RFX3: variants seen among roughly 807,000 people sequenced by gnomAD.
RFX3 encodes the protein regulatory factor X3, also known as transcription factor RFX3.
In RFX3, 14 loss-of-function variants were observed where a neutral mutation model predicts 98.6. The observed-to-expected ratio is 0.14, with a 90% CI of 0.09 to 0.22. The LOEUF is 0.22. RFX3 is among the 10% of genes least tolerant of loss of function. The pLI is 1.00. For missense variants in RFX3, 639 were observed against 926.9 expected (o/e 0.69, Z 4.03); for synonymous variants, 383 against 328.4 (o/e 1.17, Z -1.80).
chr9:3,398,340 A>C (rs1355035916), intron 1 of RFX3, among the ~76,000 whole-genome samples: 1 of 90,892 alleles, frequency 1.1e-5, no homozygotes. Context: ...GACAGGAAAC[A>C]AAAAAAAAAA....
chr9:3,275,658 C>A, intron 8 of RFX3, 46 bp from the exon 9 acceptor site: 1 of 1,157,630 alleles, frequency 8.6e-7, no homozygotes, highest in South Asian at 1.4e-5. Context: ...GTGGATGGTG[C>A]CAATTACAGA....
At chr9:3,379,058 C>A (rs1484805349) in intron 2 of RFX3, among the ~76,000 whole-genome samples, 1 of 152,156 alleles carries the variant, frequency 6.6e-6, no homozygotes, top group African/African-American at 2.4e-5. Context: ...CTAGTTCACT[C>A]ATTATTTCAA....
Position 3,259,957 on chromosome 9 carries a change from T to C in RFX3, c.1606-2758A>G, listed in dbSNP as rs116127242. Among the ~76,000 whole-genome samples the C allele has an allele frequency of 6.5e-3, 995 of 152,146 alleles. 3 individuals carry two copies. The highest frequency in any genetic ancestry group is 0.023 in the African/African-American group (944 of 41,534). On this transcript the variant is annotated intron_variant, in intron 13 of 16. Coordinates refer to ENST00000617270, the MANE Select transcript of RFX3 (RefSeq NM_001282116.2). Reference sequence around the variant, plus strand: ...TGTCAGATTATTGAGGTTCATGTTATAGAAGCTGGGACGACTTCCAAATGA... The same window carrying C: ...TGTCAGATTATTGAGGTTCATGTTACAGAAGCTGGGACGACTTCCAAATGA...
intron 1 of RFX3, among the ~76,000 whole-genome samples, chr9:3,403,344 T>A (rs1011588991): frequency 2.6e-5 from 4 of 152,142 alleles, no homozygotes; most frequent in Middle Eastern, 3.2e-3. Flanking sequence ...TTTTCTGTAT[T>A]ATAAAAACGC....
At chr9:3,339,943 A>C (rs1421829407) in intron 3 of RFX3, among the ~76,000 whole-genome samples, 1 of 152,078 alleles carries the variant, frequency 6.6e-6, no homozygotes, top group Non-Finnish European at 1.5e-5. Context: ...CCACATTGGC[A>C]AGTCAATCCT....
At chr9:3,460,438 T>C (rs1027817468) in intron 1 of RFX3, among the ~76,000 whole-genome samples, 2 of 152,008 alleles carry the variant, frequency 1.3e-5, no homozygotes, top group African/African-American at 4.8e-5. Context: ...AATATTATTT[T>C]TTAAAAGTCC....
chr9:3,418,697 T>G (rs1386806097), intron 1 of RFX3, among the ~76,000 whole-genome samples: 1 of 152,164 alleles, frequency 6.6e-6, no homozygotes, highest in Non-Finnish European at 1.5e-5. Flanking sequence ...TGAAGCTTAT[T>G]AATCAAATCA....
At chr9:3,323,700 G>A (rs1229290181) in intron 4 of RFX3, among the ~76,000 whole-genome samples, 1 of 152,102 alleles carries the variant, frequency 6.6e-6, no homozygotes, top group Non-Finnish European at 1.5e-5. Flanking sequence ...TTTCAAATAT[G>A]AAGTAGCTAA....
chr9:3,376,604 G>A (rs913585136), intron 2 of RFX3, among the ~76,000 whole-genome samples: 5 of 152,084 alleles, frequency 3.3e-5, no homozygotes, highest in Admixed American at 1.3e-4. Context: ...GGATCTAACT[G>A]AACTAAAGAG....
intron 9 of RFX3, among the ~76,000 whole-genome samples, chr9:3,272,324 G>C (rs1177517716): frequency 1.3e-5 from 2 of 152,134 alleles, no homozygotes; most frequent in Admixed American, 6.5e-5. Flanking sequence ...GGACAATCTA[G>C]AGTGTCTATA....
chr9:3,237,290 T>C (rs1407069817), intron 15 of RFX3, among the ~76,000 whole-genome samples: 2 of 152,240 alleles, frequency 1.3e-5, no homozygotes, highest in African/African-American at 4.8e-5. Flanking sequence ...TTTGGCTACA[T>C]ACCAAAGAAT....
At position 3,257,033 on chromosome 9, in the gene RFX3, G is replaced by C. The variant is rs371245427; in HGVS notation, c.1772C>G (p.Pro591Arg). 1.2e-5 allele frequency: 20 copies of C among 1,614,050 alleles called. No homozygotes were observed. Among genetic ancestry groups the C allele is most frequent in the Non-Finnish European group, 1.6e-5 (19 of 1,179,978 alleles). Residue 591 changes from proline to arginine, a missense_variant, in exon 14 of 17, where the codon CCT becomes CGT. By Grantham distance (103) the Pro-to-Arg change is moderately radical. This residue lies in a region of RFX3 where 138 missense variants were observed against 308.9 expected (regional missense o/e 0.45). Coordinates refer to ENST00000617270, the MANE Select transcript of RFX3 (RefSeq NM_001282116.2). Reference protein sequence around the residue: ...LKPYEGRPSFPKAARQFLLKW... With the variant: ...LKPYEGRPSFRKAARQFLLKW... ...TAGCAGAAACTGCCTGGCGGCTTTA[G>C]GAAAACTGGGTCTTCCTTCATAGGG...
chr9:3,342,294 T>C lies in RFX3; in HGVS notation c.215+4373A>G, dbSNP rs116267063. ...TTAAAAGGGTAACAGGAATTGAGGG[T>C]TCTCAAGAGAAACTGAATCACACAG... On this transcript the variant is annotated intron_variant, in intron 3 of 16. Coordinates refer to ENST00000617270, the MANE Select transcript of RFX3 (RefSeq NM_001282116.2). Among the ~76,000 whole-genome samples the C allele has an allele frequency of 9.2e-3, 1,396 of 152,244 alleles. 19 individuals are homozygous for C. The highest frequency in any genetic ancestry group is 0.032 in the African/African-American group (1,334 of 41,556).
intron 2 of RFX3, among the ~76,000 whole-genome samples, chr9:3,392,394 G>T (rs1175401673): frequency 6.6e-6 from 1 of 150,732 alleles, no homozygotes; most frequent in Non-Finnish European, 1.5e-5. Context: ...ATTAAAACAT[G>T]ATATTACGAA....
At chr9:3,450,839 C>T (rs529180124) in intron 1 of RFX3, among the ~76,000 whole-genome samples, 33 of 152,266 alleles carry the variant, frequency 2.2e-4, no homozygotes, top group Admixed American at 1.5e-3. Flanking sequence ...ATCCAGTGAA[C>T]TTATATAAAT....
chr9:3,365,029 T>C (rs912676392), intron 2 of RFX3, among the ~76,000 whole-genome samples: 3 of 151,996 alleles, frequency 2.0e-5, no homozygotes, highest in African/African-American at 7.2e-5. Flanking sequence ...AGGCCGGGCG[T>C]GGTGGCTCAC....
chr9:3,352,296 A>G (rs112376755), intron 2 of RFX3, among the ~76,000 whole-genome samples: 36 of 152,028 alleles, frequency 2.4e-4, no homozygotes, highest in Non-Finnish European at 4.6e-4. Context: ...TCGTATGTGT[A>G]TACAAATTCA....
chr9:3,365,717 A>G (rs1032336553), intron 2 of RFX3, among the ~76,000 whole-genome samples: 1 of 152,052 alleles, frequency 6.6e-6, no homozygotes, highest in Non-Finnish European at 1.5e-5. Context: ...ACAAAGAAAT[A>G]ATCCAAGTAA....
intron 13 of RFX3, among the ~76,000 whole-genome samples, chr9:3,259,855 T>C (rs1171591700): frequency 6.6e-6 from 1 of 152,112 alleles, no homozygotes; most frequent in Non-Finnish European, 1.5e-5. Flanking sequence ...CTCTTAAGTG[T>C]ATTATAATAT....
Sources: gnomAD v4.1 joint callset for allele counts (sites outside exome capture counted in the v4.1 genomes callset) on GRCh38, gnomAD v4.1.1 for gene constraint, gnomAD v4.1.1 regional missense constraint, MANE v1.5 for transcripts, NCBI Gene and HGNC (gene_info 2026-07-23, HGNC 2026-07-21) for gene names.